Variants in LMBR1 observed in about 807,000 individuals in gnomAD.
LMBR1 encodes the protein limb region 1 protein homolog.
In LMBR1, 52 loss-of-function variants were observed where a neutral mutation model predicts 73.9. The ratio of observed to expected loss-of-function variants is 0.70; its 90% CI spans 0.56 to 0.89. The LOEUF is 0.89. LMBR1 is among the 40% of genes least tolerant of loss of function. The probability of loss-of-function intolerance (pLI) is 0.00; values close to 1 mark genes in which losing one functional copy is unlikely to be tolerated. For missense variants in LMBR1, 539 were observed against 579.8 expected, an observed-to-expected ratio of 0.93 and a Z score of 0.72; for synonymous variants, 215 against 209.4, an observed-to-expected ratio of 1.03 and a Z score of -0.23.
chr7:156,733,183 A>T (rs749791057), intron 10 of LMBR1, among the ~76,000 whole-genome samples: 1 of 152,154 alleles, frequency 6.6e-6, no homozygotes, highest in Non-Finnish European at 1.5e-5. Flanking sequence ...AAATACTATA[A>T]GTGAGGCACC....
intron 15 of LMBR1, among the ~76,000 whole-genome samples, chr7:156,710,374 C>G (rs113967098): frequency 1.3e-5 from 2 of 152,010 alleles, no homozygotes; most frequent in African/African-American, 4.8e-5. Flanking sequence ...TAGAGAAATA[C>G]CAAATGCACT....
At chr7:156,851,393 C>T in intron 1 of LMBR1, among the ~76,000 whole-genome samples, 1 of 152,194 alleles carries the variant, frequency 6.6e-6, no homozygotes, top group Admixed American at 6.5e-5. Context: ...TCACAGAAAA[C>T]ACTAAGACCC....
chr7:156,810,213 CAGG>C (rs577870784), intron 4 of LMBR1, among the ~76,000 whole-genome samples: 1 of 152,162 alleles, frequency 6.6e-6, no homozygotes, highest in African/African-American at 2.4e-5. Context: ...GCAGAGATCA[CAGG>C]AGAAGACAGG....
chr7:156,728,674 G>A lies in LMBR1; in HGVS notation c.885C>T (p.Pro295=), dbSNP rs371514812. Residue 295 remains proline (P), a synonymous_variant, in exon 11 of 17, where the codon CCC becomes CCT. Transcript: ENST00000353442. ...ASAWERNLVY[P]AVMVLLLIET... ...CAATAAGAAGGAGAACCATAACAGC[G>A]GGATACACCAAATTTCTTTCCCATG... 1.9e-5 allele frequency: 30 copies of A among 1,602,044 alleles called. No individual in the cohort carries two copies. The highest frequency in any genetic ancestry group is 1.1e-4 in the African/African-American group (8 of 74,186).
chr7:156,752,713 G>T (rs1462466179), intron 9 of LMBR1, among the ~76,000 whole-genome samples: 1 of 152,102 alleles, frequency 6.6e-6, no homozygotes, highest in African/African-American at 2.4e-5. Flanking sequence ...AGAAAAGACA[G>T]AATAAAGTCA....
At chr7:156,874,701 C>T (rs1799901170) in intron 1 of LMBR1, among the ~76,000 whole-genome samples, 1 of 152,190 alleles carries the variant, frequency 6.6e-6, no homozygotes, top group Non-Finnish European at 1.5e-5. Flanking sequence ...AGATAACAAT[C>T]ACTGCAGCTC....
chr7:156,795,470 T>TTGAA (rs1488783015), intron 5 of LMBR1, among the ~76,000 whole-genome samples: 1 of 152,188 alleles, frequency 6.6e-6, no homozygotes, highest in Non-Finnish European at 1.5e-5. Flanking sequence ...TCATTCTCTG[T>TTGAA]TGAATGAATG....
intron 4 of LMBR1, among the ~76,000 whole-genome samples, chr7:156,798,148 G>T (rs967562045): frequency 6.6e-6 from 1 of 152,184 alleles, no homozygotes; most frequent in Non-Finnish European, 1.5e-5. Context: ...TGACAACATT[G>T]CTAAATCACA....
intron 16 of LMBR1, 30 bp downstream of exon 16, chr7:156,688,000 G>T (rs781517113): frequency 3.3e-6 from 5 of 1,519,788 alleles, no homozygotes; most frequent in Non-Finnish European, 4.4e-6. Flanking sequence ...AGTAGAAAGA[G>T]GAAAAAATAC....
intron 4 of LMBR1, among the ~76,000 whole-genome samples, chr7:156,807,046 T>C (rs535642248): frequency 3.3e-5 from 5 of 151,736 alleles, no homozygotes; most frequent in Non-Finnish European, 7.4e-5. Context: ...TTTTTTTTTC[T>C]AGCACGTTAA....
chr7:156,747,128 T>C (rs1819987867), intron 9 of LMBR1, among the ~76,000 whole-genome samples: 1 of 152,144 alleles, frequency 6.6e-6, no homozygotes. Flanking sequence ...TCCCCTTAGG[T>C]GATTGGCAGT....
At chr7:156,701,404 C>T (rs1809649274) in intron 15 of LMBR1, among the ~76,000 whole-genome samples, 1 of 152,132 alleles carries the variant, frequency 6.6e-6, no homozygotes, top group Non-Finnish European at 1.5e-5. Context: ...ATCACAGATG[C>T]ATCTTAAATA....
chr7:156,738,668 G>A (rs1818350005), intron 9 of LMBR1, among the ~76,000 whole-genome samples: 1 of 152,138 alleles, frequency 6.6e-6, no homozygotes, highest in South Asian at 2.1e-4. Flanking sequence ...AGTCATGAGG[G>A]CCCCATTCTA....
chr7:156,859,800 T>G (rs1211102506), intron 1 of LMBR1, among the ~76,000 whole-genome samples: 1 of 152,096 alleles, frequency 6.6e-6, no homozygotes, highest in African/African-American at 2.4e-5. Flanking sequence ...AGAAAATAAT[T>G]CTAAAATTAT....
chr7:156,836,859 G>T lies in LMBR1; in HGVS notation c.93C>A (p.Leu31=). 1 of 1,579,348 alleles carries T rather than the reference G, an allele frequency of 6.3e-7. No homozygotes were observed. The highest frequency in any genetic ancestry group is 2.3e-5 in the East Asian group (1 of 43,936). The change falls in exon 2 of 17, where the codon CTC becomes CTA. Residue 31 remains leucine (L), a synonymous_variant. Transcript: ENST00000353442. The part of the protein sequence containing the change: ...STICFLLFAI[L]YVVSYFIITR... ...TGATGATGAAGTAGGAAACAACGTA[G>T]AGAATGGCAAAAAGAAGGAAACATA... is the stretch of plus-strand genomic sequence containing the variant.
intron 1 of LMBR1, among the ~76,000 whole-genome samples, chr7:156,863,635 T>C (rs1261730512): frequency 6.6e-6 from 1 of 152,236 alleles, no homozygotes; most frequent in Admixed American, 6.5e-5. Context: ...TTCATACTCA[T>C]ACCAGCAATG....
At chr7:156,797,812 T>C (rs1308596950) in intron 4 of LMBR1, among the ~76,000 whole-genome samples, 1 of 152,226 alleles carries the variant, frequency 6.6e-6, no homozygotes, top group Non-Finnish European at 1.5e-5. Context: ...AAAATCTACA[T>C]GGATTTAACA....
chr7:156,872,002 C>T (rs6968779), intron 1 of LMBR1: 21 of 152,232 alleles, frequency 1.4e-4, no homozygotes, highest in African/African-American at 4.1e-4. Context: ...GTAAAACTGT[C>T]CATTTGCATA....
intron 4 of LMBR1, among the ~76,000 whole-genome samples, chr7:156,826,365 T>TC (rs1174718393): frequency 6.6e-6 from 1 of 152,154 alleles, no homozygotes. Flanking sequence ...GAAATGAAAA[T>TC]GTATTTATCA....
Sources: allele counts gnomAD v4.1 joint callset (sites outside exome capture counted in the v4.1 genomes callset), GRCh38; gene constraint gnomAD v4.1.1; transcripts MANE v1.5; gene names NCBI Gene and HGNC (gene_info 2026-07-23, HGNC 2026-07-21).